MICAL2: variants seen among roughly 807,000 people sequenced by gnomAD.
The protein encoded by MICAL2 is [F-actin]-monooxygenase MICAL2.
Under a neutral mutation model 127.3 loss-of-function variants are expected in MICAL2, and 77 were observed. That is an observed-to-expected ratio of 0.60 (90% CI 0.50 to 0.73). MICAL2 has a LOEUF of 0.73. MICAL2 is among the 30% of genes least tolerant of loss of function. The pLI, the probability that MICAL2 is intolerant of heterozygous loss-of-function variation, is 0.00. For synonymous variants in MICAL2, 570 were observed against 551.1 expected (o/e 1.03, Z -0.48); for missense variants, 1,351 against 1,434.4 (o/e 0.94, Z 0.94).
chr11:12,238,784 G>C (rs1304292231), intron 16 of MICAL2, among the ~76,000 whole-genome samples: 1 of 152,236 alleles, frequency 6.6e-6, no homozygotes, highest in Non-Finnish European at 1.5e-5. Context: ...ATTTAACACT[G>C]TGGGCAGCTG....
At chr11:12,306,027 G>A (rs558817869) in intron 29 of MICAL2, among the ~76,000 whole-genome samples, 1 of 152,140 alleles carries the variant, frequency 6.6e-6, no homozygotes, top group South Asian at 2.1e-4. Context: ...AAGGTATTTT[G>A]CATTTCTGAA....
chr11:12,298,193 A>C (rs1037332562), intron 29 of MICAL2, among the ~76,000 whole-genome samples: 2 of 151,986 alleles, frequency 1.3e-5, no homozygotes, highest in Admixed American at 6.6e-5. Flanking sequence ...AATATTTTAC[A>C]CTTTACAGCA....
At chr11:12,216,966 C>A (rs952204970) in intron 8 of MICAL2, among the ~76,000 whole-genome samples, 1 of 152,234 alleles carries the variant, frequency 6.6e-6, no homozygotes, top group East Asian at 1.9e-4. Flanking sequence ...TCTGTAACTT[C>A]TCAGCCTTGT....
At position 12,241,176 on chromosome 11, in the gene MICAL2, C is replaced by A; in HGVS notation, c.2337+14C>A. 6.2e-7 allele frequency: 1 copy of A among 1,610,590 alleles called. No homozygotes were observed. Among genetic ancestry groups the A allele is most frequent in the East Asian group, 2.2e-5 (1 of 44,804 alleles). On this transcript the variant is annotated intron_variant, in intron 18 of 27. Coordinates refer to ENST00000683283, the MANE Select transcript of MICAL2 (RefSeq NM_001282663.2). Reference sequence around the variant, plus strand: ...CTGAAAAGGCAGGTAGGGCTCCTTCCAGTGGATGCTGTTTTGGTGAAGCCA... The same window carrying A: ...CTGAAAAGGCAGGTAGGGCTCCTTCAAGTGGATGCTGTTTTGGTGAAGCCA...
intron 3 of MICAL2, among the ~76,000 whole-genome samples, chr11:12,201,608 A>G (rs984304107): frequency 6.6e-6 from 1 of 152,076 alleles, no homozygotes; most frequent in Non-Finnish European, 1.5e-5. Flanking sequence ...GGTTTTAGAC[A>G]GTATCGATGT....
chr11:12,344,026 T>C (rs921504819), intron 32 of MICAL2, among the ~76,000 whole-genome samples: 3 of 152,200 alleles, frequency 2.0e-5, no homozygotes, highest in Non-Finnish European at 4.4e-5. Flanking sequence ...CCGGGCACGA[T>C]TGGTGACACC....
chr11:12,264,871 A>T (rs1208359600), downstream of MICAL2, among the ~76,000 whole-genome samples: 1 of 152,144 alleles, frequency 6.6e-6, no homozygotes, highest in Non-Finnish European at 1.5e-5. Context: ...ACAGCAGGGA[A>T]CCATGCGAAG....
At chr11:12,299,899 T>C (rs1225981911) in intron 29 of MICAL2, among the ~76,000 whole-genome samples, 2 of 152,220 alleles carry the variant, frequency 1.3e-5, no homozygotes, top group African/African-American at 2.4e-5. Flanking sequence ...TTTTATTTTA[T>C]TTGGTTTTAC....
chr11:12,126,931 T>C (rs1344986063), intron 1 of MICAL2, among the ~76,000 whole-genome samples: 5 of 152,094 alleles, frequency 3.3e-5, no homozygotes, highest in Non-Finnish European at 7.4e-5. Flanking sequence ...TGATGGGTAG[T>C]TGCAGTGCAG....
chr11:12,132,862 T>C (rs1333499958), intron 1 of MICAL2, among the ~76,000 whole-genome samples: 1 of 152,242 alleles, frequency 6.6e-6, no homozygotes, highest in Non-Finnish European at 1.5e-5. Flanking sequence ...TACCAACTGA[T>C]GCTTGTATCT....
At chr11:12,287,625 ACACT>A (rs1425161762), downstream of MICAL2, among the ~76,000 whole-genome samples, 3 of 152,080 alleles carry the variant, frequency 2.0e-5, no homozygotes, top group Non-Finnish European at 2.9e-5. Flanking sequence ...ACACGCACAC[ACACT>A]CACACCCCTA....
At position 12,136,357 on chromosome 11, in the gene MICAL2, G is replaced by A. The variant is rs150700573; in HGVS notation, c.-148-2033G>A. ...ATCGAGACTTTGGGTGAAGCACTTCGCTGTGCCATGCCTCAGTTTCCCCCT... is the reference window on the plus strand; with the variant it reads ...ATCGAGACTTTGGGTGAAGCACTTCACTGTGCCATGCCTCAGTTTCCCCCT... On this transcript the variant is annotated intron_variant, in intron 1 of 27. Transcript: ENST00000683283. Among the ~76,000 whole-genome samples the A allele has an allele frequency of 2.4e-3, 359 of 152,274 alleles. 2 individuals are homozygous for A. Among genetic ancestry groups the A allele is most frequent in the African/African-American group, 8.3e-3 (344 of 41,558 alleles).
At position 12,261,087 on chromosome 11, in the gene MICAL2, G is replaced by A. The variant is rs1224186493; in HGVS notation, c.3334+1190G>A. The A allele has an allele frequency of 4.1e-6, 4 of 985,402 alleles. No homozygotes were observed. In the Admixed American group the frequency reaches 1.8e-4, roughly 45 times the overall value. 61.0% of individuals were successfully genotyped at this position (985,402 alleles called of 1,614,324 possible). ...GCTGTGCAGGGTCCATATTGGTCAGGCCAAGTGGAGTGGAAGACTCTGTCC... is the reference window on the plus strand; with the variant it reads ...GCTGTGCAGGGTCCATATTGGTCAGACCAAGTGGAGTGGAAGACTCTGTCC... On this transcript the variant is annotated intron_variant, in intron 26 of 27. Coordinates refer to ENST00000683283, the MANE Select transcript of MICAL2 (RefSeq NM_001282663.2).
chr11:12,237,860 G>T (rs566302297), intron 16 of MICAL2, among the ~76,000 whole-genome samples: 1 of 152,174 alleles, frequency 6.6e-6, no homozygotes, highest in Non-Finnish European at 1.5e-5. Flanking sequence ...GTGATTCGTG[G>T]ACCCGTTAAT....
intron 3 of MICAL2, among the ~76,000 whole-genome samples, chr11:12,187,106 G>A (rs1016585889): frequency 2.6e-5 from 4 of 152,152 alleles, no homozygotes; most frequent in African/African-American, 7.2e-5. Context: ...CTCTCTCCCC[G>A]TGTGGGGCTC....
intron 2 of MICAL2, among the ~76,000 whole-genome samples, chr11:12,147,128 G>A (rs1049532986): frequency 1.3e-5 from 2 of 152,108 alleles, no homozygotes; most frequent in Non-Finnish European, 2.9e-5. Context: ...GTTAATGGGT[G>A]CAGCACACCA....
chr11:12,225,912 A>G (rs773919872), intron 13 of MICAL2: 2 of 515,218 alleles, frequency 3.9e-6, no homozygotes, highest in Non-Finnish European at 7.0e-6. Context: ...TGTTCCCAAG[A>G]GGTTTAAATC....
At chr11:12,268,296 G>C (rs569928871), downstream of MICAL2, among the ~76,000 whole-genome samples, 1 of 152,362 alleles carries the variant, frequency 6.6e-6, no homozygotes, top group South Asian at 2.1e-4. Context: ...TCTTGGGAGA[G>C]CTGGGTCTGC....
Position 12,170,788 on chromosome 11 carries a change from G to T in MICAL2, c.264+8369G>T, listed in dbSNP as rs143915171. ...GGCTCCTAGATTCTCTGGTCCTATTGCTATCTTGCTGATCAGTGCCCCACA... is the reference window on the plus strand; with the variant it reads ...GGCTCCTAGATTCTCTGGTCCTATTTCTATCTTGCTGATCAGTGCCCCACA... On this transcript the variant is annotated intron_variant, in intron 3 of 27. Transcript: ENST00000683283. 5.3e-3 allele frequency among the ~76,000 whole-genome samples: 806 copies of T among 152,254 alleles called. 12 individuals carry two copies. The highest frequency in any genetic ancestry group is 0.017 in the Middle Eastern group (5 of 294).
Sources: gnomAD v4.1 joint callset for allele counts (sites outside exome capture counted in the v4.1 genomes callset) on GRCh38, gnomAD v4.1.1 for gene constraint, MANE v1.5 for transcripts, NCBI Gene and HGNC (gene_info 2026-07-23, HGNC 2026-07-21) for gene names.